Variants in FYB1 observed in about 807,000 individuals in gnomAD.
FYB1 encodes FYN-binding protein 1.
FYB1 carries 41 observed loss-of-function variants against 94.1 expected under a neutral mutation model. The ratio of observed to expected loss-of-function variants is 0.44; its 90% CI spans 0.34 to 0.57. FYB1 has a LOEUF of 0.57. Ranked by LOEUF, FYB1 falls within the 20% of genes least tolerant of loss-of-function variation. The pLI, the probability that FYB1 is intolerant of heterozygous loss-of-function variation, is 0.02. For missense variants in FYB1, 1,050 were observed against 976.8 expected (o/e 1.07, Z -1.00); for synonymous variants, 367 against 353.2 (o/e 1.04, Z -0.44).
At chr5:39,200,036 A>C (rs1748173559) in intron 2 of FYB1, among the ~76,000 whole-genome samples, 1 of 152,202 alleles carries the variant, frequency 6.6e-6, no homozygotes, top group Admixed American at 6.5e-5. Flanking sequence ...ATTTTGGAGC[A>C]TAATACATCT....
chr5:39,210,383 T>A (rs954705684), intron 1 of FYB1, among the ~76,000 whole-genome samples: 1 of 152,246 alleles, frequency 6.6e-6, no homozygotes, highest in East Asian at 1.9e-4. Context: ...CGAGCACTGA[T>A]GATCCGGATC....
chr5:39,246,126 C>A (rs1019783214), intron 1 of FYB1, among the ~76,000 whole-genome samples: 1 of 151,926 alleles, frequency 6.6e-6, no homozygotes, highest in Non-Finnish European at 1.5e-5. Flanking sequence ...AAGTAGGTAC[C>A]TCTGTTTGGG....
intron 16 of FYB1, among the ~76,000 whole-genome samples, chr5:39,115,646 A>T (rs1739494595): frequency 6.6e-6 from 1 of 152,142 alleles, no homozygotes; most frequent in African/African-American, 2.4e-5. Context: ...AGGGTTAAAA[A>T]ATCTTATAGA....
intron 3 of FYB1, among the ~76,000 whole-genome samples, chr5:39,143,008 G>C (rs955661944): frequency 1.3e-5 from 2 of 152,088 alleles, no homozygotes; most frequent in African/African-American, 4.8e-5. Context: ...ATGATGTTCT[G>C]TTGTGTTCTG....
At chr5:39,247,409 A>G (rs1214564935) in intron 1 of FYB1, among the ~76,000 whole-genome samples, 2 of 152,100 alleles carry the variant, frequency 1.3e-5, no homozygotes, top group Non-Finnish European at 2.9e-5. Flanking sequence ...TTTAGTACGT[A>G]TGCACAAATA....
chr5:39,170,377 G>A lies in FYB1; in HGVS notation c.1136-16773C>T, dbSNP rs1293493141. On this transcript the variant is annotated intron_variant, in intron 2 of 18. Coordinates refer to ENST00000512982, the MANE Select transcript of FYB1 (RefSeq NM_001465.6). ...CTATTGGCAAACCTGAGGACTCTGG[G>A]CCAGCTGCACCGTGGTCTTGTCGCC... 6 of 798,088 alleles carry A rather than the reference G, an allele frequency of 7.5e-6. No homozygotes were observed. In the East Asian group the frequency reaches 1.8e-4, roughly 24 times the overall value. 49.4% of individuals were successfully genotyped at this position (798,088 alleles called of 1,614,324 possible). A position where few individuals can be genotyped will look rare whatever the true frequency, so the allele number is the denominator to read the frequency against.
chr5:39,142,962 C>G (rs972988331), intron 3 of FYB1, among the ~76,000 whole-genome samples: 1 of 152,116 alleles, frequency 6.6e-6, no homozygotes, highest in Non-Finnish European at 1.5e-5. Flanking sequence ...TCACAATTTT[C>G]TTTGTGGTTT....
chr5:39,131,571 G>C lies in FYB1; in HGVS notation c.1818-959C>G, dbSNP rs563146102. ...AAATTTGAAATAAAAACATAAAGTT[G>C]CTGTCAGGAACTTTGTAGGAAAACA... is the stretch of plus-strand genomic sequence containing the variant. On this transcript the variant is annotated intron_variant, in intron 9 of 18. Coordinates refer to ENST00000512982, the MANE Select transcript of FYB1 (RefSeq NM_001465.6). Among the ~76,000 whole-genome samples the C allele has an allele frequency of 1.4e-4, 21 of 152,300 alleles. No homozygotes were observed. The South Asian group carries it at 4.4e-3, about 32-fold the overall frequency.
At chr5:39,167,286 T>C (rs978773834) in intron 2 of FYB1, among the ~76,000 whole-genome samples, 11 of 152,106 alleles carry the variant, frequency 7.2e-5, no homozygotes, top group East Asian at 1.9e-4. Flanking sequence ...TCTCTCTCTC[T>C]CCCTTGTTTT....
chr5:39,217,386 C>T (rs1486284501), intron 1 of FYB1, among the ~76,000 whole-genome samples: 1 of 152,158 alleles, frequency 6.6e-6, no homozygotes, highest in East Asian at 1.9e-4. Context: ...AAATCTGGGT[C>T]TCTCCCTTGC....
At chr5:39,245,746 C>T (rs1751448827) in intron 1 of FYB1, among the ~76,000 whole-genome samples, 1 of 152,048 alleles carries the variant, frequency 6.6e-6, no homozygotes, top group Non-Finnish European at 1.5e-5. Context: ...TTACAGGTGC[C>T]CGCCACTACA....
intron 1 of FYB1, among the ~76,000 whole-genome samples, chr5:39,241,670 G>A (rs984181933): frequency 6.6e-6 from 1 of 152,118 alleles, no homozygotes; most frequent in East Asian, 1.9e-4. Flanking sequence ...GTATGGTTGA[G>A]TTGGCTGTGT....
At chr5:39,242,206 T>C (rs1005320141) in intron 1 of FYB1, among the ~76,000 whole-genome samples, 3 of 152,090 alleles carry the variant, frequency 2.0e-5, no homozygotes, top group Admixed American at 2.0e-4. Flanking sequence ...TTGTTACATA[T>C]GTATACATGT....
At chr5:39,247,135 A>G (rs1161383497) in intron 1 of FYB1, among the ~76,000 whole-genome samples, 2 of 134,722 alleles carry the variant, frequency 1.5e-5, no homozygotes, top group African/African-American at 5.5e-5. Context: ...CCATTTGTCA[A>G]ATGAATAGCT....
chr5:39,192,121 C>T (rs1747418832), intron 2 of FYB1, among the ~76,000 whole-genome samples: 1 of 152,216 alleles, frequency 6.6e-6, no homozygotes, highest in African/African-American at 2.4e-5. Flanking sequence ...AAACAAGGCA[C>T]CTCCTGCAGA....
In FYB1 at chr5:39,132,403, T is replaced by C. The variant is rs116115388; in HGVS notation, c.1818-1791A>G. On this transcript the variant is annotated intron_variant, in intron 9 of 18. Coordinates refer to ENST00000512982, the MANE Select transcript of FYB1 (RefSeq NM_001465.6). ...ATAAAACATGTATAGAAATGTCTTCTTCTTTAATTTTCTTAGTAAGGGTGC... is the reference window on the plus strand; with the variant it reads ...ATAAAACATGTATAGAAATGTCTTCCTCTTTAATTTTCTTAGTAAGGGTGC... Among the ~76,000 whole-genome samples the C allele has an allele frequency of 2.0e-3, 309 of 152,316 alleles. 4 individuals are homozygous for C. The highest frequency in any genetic ancestry group is 7.1e-3 in the African/African-American group (297 of 41,576).
intron 9 of FYB1, among the ~76,000 whole-genome samples, chr5:39,130,984 G>C (rs1476120452): frequency 6.6e-6 from 1 of 152,054 alleles, no homozygotes; most frequent in African/African-American, 2.4e-5. Context: ...AAGTCACATA[G>C]AGCAATTATT....
chr5:39,160,809 T>C (rs1452335168), intron 2 of FYB1, among the ~76,000 whole-genome samples: 1 of 152,252 alleles, frequency 6.6e-6, no homozygotes. Context: ...AGTTGTGTTC[T>C]GTATGGGATA....
At chr5:39,183,328 C>G (rs1241942067) in intron 2 of FYB1, among the ~76,000 whole-genome samples, 2 of 152,120 alleles carry the variant, frequency 1.3e-5, no homozygotes, top group Non-Finnish European at 2.9e-5. Flanking sequence ...TAATCCAGGA[C>G]TGGTTGTATG....
Sources: allele counts gnomAD v4.1 joint callset (sites outside exome capture counted in the v4.1 genomes callset), GRCh38; gene constraint gnomAD v4.1.1; transcripts MANE v1.5; gene names NCBI Gene and HGNC (gene_info 2026-07-23, HGNC 2026-07-21).